The following MYO3A variants were observed in gnomAD, a reference collection of about 807,000 sequenced individuals.
The protein encoded by MYO3A is myosin-IIIa.
In MYO3A, 180 loss-of-function variants were observed where a neutral mutation model predicts 192.7. That is an observed-to-expected ratio of 0.93 (90% CI 0.83 to 1.06). The LOEUF is 1.06. MYO3A is among the 50% of genes least tolerant of loss of function. The pLI, the probability that MYO3A is intolerant of heterozygous loss-of-function variation, is 0.00. For missense variants in MYO3A, 1,896 were observed against 1,905.0 expected (o/e 1.00, Z 0.09); for synonymous variants, 628 against 645.3 (o/e 0.97, Z 0.41).
chr10:26,094,075 T>C (rs1836862497), intron 15 of MYO3A, among the ~76,000 whole-genome samples: 1 of 152,228 alleles, frequency 6.6e-6, no homozygotes, highest in Non-Finnish European at 1.5e-5. Context: ...ATTCACCTTA[T>C]CAAACTCTAC....
rs187065662 is a variant in MYO3A, at chr10:25,966,466, A to C, written c.303+11458A>C. On this transcript the variant is annotated intron_variant, in intron 4 of 34. Coordinates refer to ENST00000642920, the MANE Select transcript of MYO3A (RefSeq NM_017433.5). ...TTTGTGTTTATTAGTGCTATGAAGA[A>C]TATAAAAGGGGACATTGATAGGATA... 6.6e-5 allele frequency among the ~76,000 whole-genome samples: 10 copies of C among 152,334 alleles called. 1 individual carries two copies. In the East Asian group the frequency reaches 1.9e-3, roughly 29 times the overall value.
At chr10:26,186,701 T>C (rs185641741) in intron 31 of MYO3A, among the ~76,000 whole-genome samples, 64 of 152,366 alleles carry the variant, frequency 4.2e-4, no homozygotes, top group South Asian at 8.3e-4. Context: ...GCATCTTGAA[T>C]TTTCTACTGG....
chr10:26,144,662 G>A (rs571820406), intron 21 of MYO3A, among the ~76,000 whole-genome samples: 8 of 152,130 alleles, frequency 5.3e-5, no homozygotes, highest in African/African-American at 1.7e-4. Flanking sequence ...GAGCAAAAAC[G>A]CCAGATTTTT....
intron 31 of MYO3A, among the ~76,000 whole-genome samples, chr10:26,183,324 A>G (rs1385788739): frequency 6.6e-6 from 1 of 152,182 alleles, no homozygotes; most frequent in Non-Finnish European, 1.5e-5. Flanking sequence ...GGAGATCGAG[A>G]CCATCCTGGC....
At chr10:26,175,686 T>C (rs1402401471) in intron 30 of MYO3A, among the ~76,000 whole-genome samples, 1 of 152,330 alleles carries the variant, frequency 6.6e-6, no homozygotes, top group South Asian at 2.1e-4. Context: ...TTCTTAAGCA[T>C]GTGGAAATAG....
At position 26,026,429 on chromosome 10, in the gene MYO3A, C is replaced by T; in HGVS notation, c.850C>T (p.His284Tyr). Residue 284 changes from histidine (H) to tyrosine (Y), a missense_variant, in exon 10 of 35, where the codon CAT (histidine) becomes TAT (tyrosine). Transcript: ENST00000642920. ...KRPTVSELLQ[H>Y]KFITQIEGKD... ...TCCAACAGTGTCAGAACTTTTACAG[C>T]ATAAATTCATTACTCAAATTGAGGG... The T allele has an allele frequency of 6.2e-7, 1 of 1,614,076 alleles. No homozygotes were observed. Among genetic ancestry groups the T allele is most frequent in the Non-Finnish European group, 8.5e-7 (1 of 1,179,978 alleles).
chr10:26,094,203 C>T (rs1033082775), intron 15 of MYO3A, among the ~76,000 whole-genome samples: 3 of 152,284 alleles, frequency 2.0e-5, no homozygotes, highest in East Asian at 1.9e-4. Flanking sequence ...TTTAAACCTA[C>T]ATGACTGATG....
intron 14 of MYO3A, 36 bp downstream of exon 14, chr10:26,070,437 A>G: frequency 6.5e-7 from 1 of 1,534,898 alleles, no homozygotes; most frequent in Non-Finnish European, 9.0e-7. Flanking sequence ...CATCAGAAAT[A>G]TTTGTTGAAT....
intron 17 of MYO3A, among the ~76,000 whole-genome samples, chr10:26,097,483 C>A (rs1242801856): frequency 6.6e-6 from 1 of 151,974 alleles, no homozygotes; most frequent in African/African-American, 2.4e-5. Context: ...GTGTGCTGCA[C>A]ACATTAACTC....
In MYO3A at chr10:26,176,682, C is replaced by T; in HGVS notation, c.4294-19C>T. On this transcript the variant is annotated intron_variant, in intron 30 of 34. Transcript: ENST00000642920. ...TATTCTTTTCCTTGATTTAACCTGA[C>T]ACATGACCTTCTTTTTAGATATCAA... 1.9e-6 allele frequency: 3 copies of T among 1,602,420 alleles called. No individual in the cohort carries two copies. Among genetic ancestry groups the T allele is most frequent in the Non-Finnish European group, 2.6e-6 (3 of 1,169,904 alleles).
At chr10:26,017,197 A>G (rs1842030783) in intron 7 of MYO3A, among the ~76,000 whole-genome samples, 2 of 152,174 alleles carry the variant, frequency 1.3e-5, no homozygotes, top group African/African-American at 4.8e-5. Flanking sequence ...TGTACTAATG[A>G]TATTTACATT....
intron 34 of MYO3A, among the ~76,000 whole-genome samples, chr10:26,204,931 G>C (rs1843841920): frequency 6.6e-6 from 1 of 152,060 alleles, no homozygotes; most frequent in Non-Finnish European, 1.5e-5. Flanking sequence ...ATTTAAAATA[G>C]AAAACAAAAA....
intron 26 of MYO3A, among the ~76,000 whole-genome samples, chr10:26,164,818 G>A (rs531843067): frequency 2.3e-3 from 345 of 152,286 alleles, no homozygotes; most frequent in African/African-American, 7.8e-3. Flanking sequence ...TGGCTCCTGC[G>A]ATGAACTGTG....
At chr10:25,967,694 A>G (rs1838349468) in intron 4 of MYO3A, among the ~76,000 whole-genome samples, 1 of 152,202 alleles carries the variant, frequency 6.6e-6, no homozygotes, top group South Asian at 2.1e-4. Flanking sequence ...AGTTATAAAT[A>G]TGTTCAACAA....
At chr10:26,021,844 G>A (rs1842325025) in intron 8 of MYO3A, 196 bp downstream of exon 8, 1 of 682,966 alleles carries the variant, frequency 1.5e-6, no homozygotes, top group African/African-American at 1.8e-5. Context: ...CTAAGTAAAA[G>A]AGCTTTCTCT....
chr10:25,952,494 C>T (rs951941484), intron 3 of MYO3A, among the ~76,000 whole-genome samples: 1 of 152,096 alleles, frequency 6.6e-6, no homozygotes, highest in Non-Finnish European at 1.5e-5. Flanking sequence ...TGAATAAATG[C>T]ATAAGCACGC....
At chr10:26,027,530 A>G (rs904657638) in intron 10 of MYO3A, among the ~76,000 whole-genome samples, 3 of 152,122 alleles carry the variant, frequency 2.0e-5, no homozygotes, top group Non-Finnish European at 4.4e-5. Context: ...TTTTTAGTAT[A>G]GACGAGGTTC....
At chr10:26,065,447 G>T (rs576313684) in intron 10 of MYO3A, among the ~76,000 whole-genome samples, 2 of 151,784 alleles carry the variant, frequency 1.3e-5, no homozygotes, top group Admixed American at 6.6e-5. Context: ...TTAGCTGAGC[G>T]TGGTGGCCAC....
At chr10:26,113,338 C>T (rs921683483) in intron 17 of MYO3A, among the ~76,000 whole-genome samples, 2 of 151,870 alleles carry the variant, frequency 1.3e-5, no homozygotes, top group Non-Finnish European at 1.5e-5. Flanking sequence ...GTTGTGGCAG[C>T]GTGCACCTAT....
Sources: allele counts gnomAD v4.1 joint callset (sites outside exome capture counted in the v4.1 genomes callset), GRCh38; gene constraint gnomAD v4.1.1; transcripts MANE v1.5; gene names NCBI Gene and HGNC (gene_info 2026-07-23, HGNC 2026-07-21).